Variants in SLC25A21 observed in about 807,000 individuals in gnomAD.
SLC25A21 encodes the protein mitochondrial 2-oxodicarboxylate carrier.
In SLC25A21, 47 loss-of-function variants were observed where a neutral mutation model predicts 43.8. The ratio of observed to expected loss-of-function variants is 1.07; its 90% confidence interval spans 0.85 to 1.37. SLC25A21 has a LOEUF of 1.37. SLC25A21 is among the 40% of genes most tolerant of loss of function. The pLI is 0.00. For missense variants in SLC25A21, 352 were observed against 350.2 expected, an observed-to-expected ratio of 1.00 and a Z score of -0.04; for synonymous variants, 131 against 121.3, an observed-to-expected ratio of 1.08 and a Z score of -0.52.
At chr14:36,988,015 A>G (rs947156112) in intron 1 of SLC25A21, among the ~76,000 whole-genome samples, 1 of 152,154 alleles carries the variant, frequency 6.6e-6, no homozygotes, top group African/African-American at 2.4e-5. Flanking sequence ...CAGCCTTCCA[A>G]GTAGATAGAC....
chr14:37,057,577 T>TA (rs1205476508), intron 1 of SLC25A21, among the ~76,000 whole-genome samples: 1 of 152,168 alleles, frequency 6.6e-6, no homozygotes, highest in African/African-American at 2.4e-5. Context: ...TAACAACTTT[T>TA]AAAAAATAAA....
chr14:36,687,955 G>C (rs1882626918), intron 7 of SLC25A21, among the ~76,000 whole-genome samples: 1 of 152,146 alleles, frequency 6.6e-6, no homozygotes, highest in Non-Finnish European at 1.5e-5. Flanking sequence ...AGAGAATAAA[G>C]ACAAACTGCC....
chr14:36,742,999 C>G (rs1885333680), intron 3 of SLC25A21, among the ~76,000 whole-genome samples: 1 of 152,094 alleles, frequency 6.6e-6, no homozygotes, highest in African/African-American at 2.4e-5. Flanking sequence ...TAAACTACAA[C>G]TTTGATTTTC....
chr14:36,896,028 TG>T (rs989800024), intron 1 of SLC25A21, among the ~76,000 whole-genome samples: 1 of 152,162 alleles, frequency 6.6e-6, no homozygotes, highest in African/African-American at 2.4e-5. Flanking sequence ...TGATTTGGGG[TG>T]GAGTGTTCTG....
chr14:37,014,369 G>A (rs141027302), intron 1 of SLC25A21, among the ~76,000 whole-genome samples: 86 of 152,070 alleles, frequency 5.7e-4, no homozygotes, highest in African/African-American at 2.0e-3. Context: ...TTGTCATTTC[G>A]ACAATGTTCA....
At chr14:36,808,153 A>G (rs1023607378) in intron 3 of SLC25A21, among the ~76,000 whole-genome samples, 1 of 152,218 alleles carries the variant, frequency 6.6e-6, no homozygotes, top group East Asian at 1.9e-4. Flanking sequence ...AGGCACCAGC[A>G]ATCAACATGT....
chr14:36,835,444 G>A (rs770075440), intron 2 of SLC25A21, among the ~76,000 whole-genome samples: 3 of 152,132 alleles, frequency 2.0e-5, no homozygotes, highest in Non-Finnish European at 4.4e-5. Context: ...GAGAGAGCTG[G>A]ACCTCCTGCA....
intron 3 of SLC25A21, among the ~76,000 whole-genome samples, chr14:36,812,332 G>T (rs1888298991): frequency 6.6e-6 from 1 of 151,898 alleles, no homozygotes; most frequent in Admixed American, 6.6e-5. Context: ...TATAAAATCA[G>T]TACATACTTT....
intron 1 of SLC25A21, among the ~76,000 whole-genome samples, chr14:36,925,473 A>T (rs564999349): frequency 1.3e-5 from 2 of 152,350 alleles, no homozygotes; most frequent in East Asian, 3.9e-4. Flanking sequence ...GAACATTATC[A>T]GAAATTAGAA....
At chr14:36,798,734 T>A (rs1209184670) in intron 3 of SLC25A21, among the ~76,000 whole-genome samples, 2 of 152,132 alleles carry the variant, frequency 1.3e-5, no homozygotes, top group East Asian at 3.9e-4. Flanking sequence ...TTGTTTGCCC[T>A]TCATCTCCTT....
intron 3 of SLC25A21, among the ~76,000 whole-genome samples, chr14:36,805,842 G>C (rs1217278204): frequency 6.6e-6 from 1 of 152,110 alleles, no homozygotes; most frequent in East Asian, 1.9e-4. Flanking sequence ...AGCTAAAAAA[G>C]TTGATCTAAT....
chr14:36,808,624 C>T lies in SLC25A21; in HGVS notation c.203+5294G>A, dbSNP rs532796850. ...CAGTGGAAGATCAAATACAGTCTAACGGAGAAACCATGGTTATACCTGCGT... is the reference window on the plus strand; with the variant it reads ...CAGTGGAAGATCAAATACAGTCTAATGGAGAAACCATGGTTATACCTGCGT... On this transcript the variant is annotated intron_variant, in intron 3 of 9. Transcript: ENST00000331299. Among the ~76,000 whole-genome samples the T allele has an allele frequency of 3.3e-5, 5 of 152,180 alleles. No homozygotes were observed. The East Asian group carries it at 7.7e-4, about 24-fold the overall frequency.
chr14:37,089,522 T>G (rs990886823), intron 1 of SLC25A21, among the ~76,000 whole-genome samples: 10 of 152,272 alleles, frequency 6.6e-5, no homozygotes, highest in Non-Finnish European at 7.4e-5. Flanking sequence ...AATCCCAACT[T>G]TCAAAAACGT....
intron 1 of SLC25A21, among the ~76,000 whole-genome samples, chr14:36,997,672 T>C (rs922999886): frequency 4.0e-5 from 6 of 151,832 alleles, no homozygotes; most frequent in Non-Finnish European, 8.8e-5. Flanking sequence ...CTACAAAAAA[T>C]ACAAAAATTA....
intron 1 of SLC25A21, 105 bp downstream of exon 1, chr14:37,172,176 G>C: frequency 8.4e-7 from 1 of 1,193,540 alleles, no homozygotes; most frequent in Non-Finnish European, 1.2e-6. Context: ...GAATTTTGAG[G>C]AAGAGGGCAG....
intron 1 of SLC25A21, among the ~76,000 whole-genome samples, chr14:36,908,973 A>G (rs781079084): frequency 5.9e-5 from 9 of 152,190 alleles, no homozygotes; most frequent in African/African-American, 1.7e-4. Context: ...TTGGAGGCAG[A>G]GGTGCCAAGG....
intron 7 of SLC25A21, among the ~76,000 whole-genome samples, chr14:36,694,829 T>C (rs981965172): frequency 3.9e-5 from 6 of 152,202 alleles, no homozygotes; most frequent in Admixed American, 2.6e-4. Context: ...GATGGGTTGA[T>C]TGCAAAAATT....
At chr14:37,043,030 C>T (rs1961507890) in intron 1 of SLC25A21, among the ~76,000 whole-genome samples, 1 of 152,180 alleles carries the variant, frequency 6.6e-6, no homozygotes, top group African/African-American at 2.4e-5. Context: ...CAGGAAACTG[C>T]TGAACCAGCC....
intron 1 of SLC25A21, among the ~76,000 whole-genome samples, chr14:37,099,721 G>GAA (rs1394920833): frequency 1.3e-5 from 2 of 152,012 alleles, no homozygotes; most frequent in African/African-American, 2.4e-5. Flanking sequence ...TCCATATTGG[G>GAA]AACTTTAAAT....
Sources: gnomAD v4.1 joint callset for allele counts (sites outside exome capture counted in the v4.1 genomes callset) on GRCh38, gnomAD v4.1.1 for gene constraint, MANE v1.5 for transcripts, NCBI Gene and HGNC (gene_info 2026-07-23, HGNC 2026-07-21) for gene names.